The following CLEC4A variants were observed in gnomAD, a reference collection of about 807,000 sequenced individuals.
CLEC4A encodes C-type (calcium dependent, carbohydrate-recognition domain) lectin, superfamily member 6.
Under a neutral mutation model 32.7 loss-of-function variants are expected in CLEC4A, and 27 were observed. The observed-to-expected ratio is 0.83, with a 90% CI of 0.61 to 1.14. CLEC4A has a LOEUF of 1.14. CLEC4A is among the 50% of genes most tolerant of loss of function. The pLI is 0.00. For missense variants in CLEC4A, 253 were observed against 274.6 expected (o/e 0.92, Z 0.55); for synonymous variants, 89 against 93.7 (o/e 0.95, Z 0.29).
At position 8,138,494 on chromosome 12, in the gene CLEC4A, A is replaced by C. The variant is rs1591614530; in HGVS notation, c.*207A>C. 1.8e-6 allele frequency: 1 copy of C among 550,360 alleles called. No homozygotes were observed. The highest frequency in any genetic ancestry group is 3.3e-5 in the East Asian group (1 of 30,100). The allele number at this position is 550,360 out of a possible 1,614,324, so 34.1% of individuals were successfully genotyped here. A position where few individuals can be genotyped will look rare whatever the true frequency, so the allele number is the denominator to read the frequency against. Reference sequence around the variant, plus strand: ...TATTGAGCATTTTTTCATGTGCCAGAGCCTGTACTGGAGGCCCCCATTGTG... The same window carrying C: ...TATTGAGCATTTTTTCATGTGCCAGCGCCTGTACTGGAGGCCCCCATTGTG... On this transcript the variant is annotated 3_prime_UTR_variant, in exon 6 of 6. Coordinates refer to ENST00000229332, the MANE Select transcript of CLEC4A (RefSeq NM_016184.4).
chr12:8,103,265 TG>T, the CLEC4A span, among the ~76,000 whole-genome samples: 1 of 152,040 alleles, frequency 6.6e-6, no homozygotes, highest in African/African-American at 2.4e-5. Context: ...AATTCTTCTT[TG>T]CTTATAAAGT....
the CLEC4A span, among the ~76,000 whole-genome samples, chr12:8,112,187 C>T: frequency 6.6e-6 from 1 of 152,034 alleles, no homozygotes; most frequent in Non-Finnish European, 1.5e-5. Context: ...AGGCTGGTCT[C>T]AAACTCTTGA....
At chr12:8,134,642 G>T (rs1215181958) in intron 3 of CLEC4A, 3 of 1,606,070 alleles carry the variant, frequency 1.9e-6, no homozygotes, top group East Asian at 2.3e-5. Context: ...CCATCCCCCC[G>T]CAGAACTCAT....
chr12:8,103,815 A>G, the CLEC4A span, among the ~76,000 whole-genome samples: 2 of 152,066 alleles, frequency 1.3e-5, no homozygotes, highest in South Asian at 2.1e-4. Flanking sequence ...CCCAAATACT[A>G]CTTCATGAAA....
chr12:8,134,298 G>A (rs767525712), intron 3 of CLEC4A: 9 of 1,612,104 alleles, frequency 5.6e-6, no homozygotes, highest in Admixed American at 1.7e-5. Context: ...GCCTCAAAGC[G>A]GCAGATGGTC....
the CLEC4A span, among the ~76,000 whole-genome samples, chr12:8,113,844 G>A: frequency 6.6e-6 from 1 of 152,176 alleles, no homozygotes; most frequent in African/African-American, 2.4e-5. Context: ...GGAGCTCTGA[G>A]GAGCTGTGTA....
At chr12:8,135,107 A>AACT (rs1304428949) in intron 3 of CLEC4A, among the ~76,000 whole-genome samples, 1 of 104,166 alleles carries the variant, frequency 9.6e-6, no homozygotes, top group African/African-American at 3.8e-5. Flanking sequence ...GCTGGTCTTG[A>AACT]ACTTCTGGGA....
At chr12:8,133,430 C>T (rs1948035680) in intron 3 of CLEC4A, among the ~76,000 whole-genome samples, 1 of 151,872 alleles carries the variant, frequency 6.6e-6, no homozygotes, top group Non-Finnish European at 1.5e-5. Flanking sequence ...TCTCTATCCC[C>T]TTCATTCTGC....
rs371181779 is a variant in CLEC4A at position 8,134,973 on chromosome 12, G to GTTTTTTTTTTTTTTTTTTTTTTTTTTTTT, written c.299-607_299-606insTTTTTTTTTTTTTTTTTTTTTTTTTTTTT. On this transcript the variant is annotated intron_variant, in intron 3 of 5. Coordinates refer to ENST00000229332, the MANE Select transcript of CLEC4A (RefSeq NM_016184.4). Reference sequence around the variant, plus strand: ...CATGTCTGTATCTTCTTGTTGAAGCGTTTTTGTTTTTTGTTTTTTTTTAAT... The same window carrying GTTTTTTTTTTTTTTTTTTTTTTTTTTTTT: ...CATGTCTGTATCTTCTTGTTGAAGCGTTTTTTTTTTTTTTTTTTTTTTTTTTTTTTTTTTGTTTTTTGTTTTTTTTTAAT... 1.4e-5 allele frequency: 4 copies of GTTTTTTTTTTTTTTTTTTTTTTTTTTTTT among 290,634 alleles called. No homozygotes were observed. The African/African-American group carries it at 1.5e-4, about 11-fold the overall frequency. 18.0% of individuals were successfully genotyped at this position (290,634 alleles called of 1,614,324 possible). A position where few individuals can be genotyped will look rare whatever the true frequency, so the allele number is the denominator to read the frequency against.
chr12:8,121,948 T>TG (rs1947834828), upstream of CLEC4A, among the ~76,000 whole-genome samples: 1 of 151,508 alleles, frequency 6.6e-6, no homozygotes, highest in Non-Finnish European at 1.5e-5. Context: ...TTGGCCCAGT[T>TG]GGGGTTGGGA....
intron 3 of CLEC4A, chr12:8,134,979 G>GTTTGTTTTTTTT (rs1948073595): frequency 1.1e-4 from 18 of 166,032 alleles, no homozygotes; most frequent in Middle Eastern, 1.9e-3. Context: ...AAGCGTTTTT[G>GTTTGTTTTTTTT]TTTTTTGTTT....
In CLEC4A at chr12:8,136,917, G is replaced by A; in HGVS notation, c.566+14G>A. The A allele has an allele frequency of 6.4e-7, 1 of 1,555,572 alleles. No homozygotes were observed. Among genetic ancestry groups the A allele is most frequent in the Non-Finnish European group, 8.9e-7 (1 of 1,127,708 alleles). On this transcript the variant is annotated intron_variant, in intron 5 of 5. Transcript: ENST00000229332. ...TGAAAGTTCCACGTGAGTATAGAAT[G>A]AGATAAAAGAATCTTGGGTCCTGGA...
At chr12:8,105,418 C>T in the CLEC4A span, among the ~76,000 whole-genome samples, 26 of 151,236 alleles carry the variant, frequency 1.7e-4, 1 homozygote, top group South Asian at 6.2e-4. Context: ...GGCACGATCT[C>T]GGCTCACTGC....
chr12:8,112,726 AG>A, the CLEC4A span, among the ~76,000 whole-genome samples: 1 of 152,086 alleles, frequency 6.6e-6, no homozygotes, highest in Non-Finnish European at 1.5e-5. Context: ...CTAAGTCCTC[AG>A]GGTTATTATC....
intron 3 of CLEC4A, among the ~76,000 whole-genome samples, chr12:8,132,876 T>C (rs748650355): frequency 6.6e-6 from 1 of 152,240 alleles, no homozygotes; most frequent in East Asian, 1.9e-4. Context: ...TGTCTAGTTT[T>C]TTTGTTTCTT....
At chr12:8,125,266 A>C (rs1947881028) in intron 1 of CLEC4A, among the ~76,000 whole-genome samples, 1 of 152,196 alleles carries the variant, frequency 6.6e-6, no homozygotes, top group South Asian at 2.1e-4. Flanking sequence ...GCATATGTGT[A>C]TATATACATT....
chr12:8,134,275 G>A lies in CLEC4A; in HGVS notation c.299-1310G>A, dbSNP rs140763884. On this transcript the variant is annotated intron_variant, in intron 3 of 5. Coordinates refer to ENST00000229332, the MANE Select transcript of CLEC4A (RefSeq NM_016184.4). ...GCCGCAGCTCACACATGTTCTTGAA[G>A]CTAAGCTGCAGAGCCTCAAAGCGGC... 7.3e-4 allele frequency: 1,175 copies of A among 1,612,406 alleles called. 12 individuals are homozygous for A. The African/African-American group carries it at 0.014, about 19-fold the overall frequency.
In CLEC4A at chr12:8,133,831, C is replaced by T. The variant is rs200565509; in HGVS notation, c.299-1754C>T. ...CGGAGACAGGGGGAAAGGCTTCCCCCTCAGGGAAAGGGACCGAGGAGTACA... is the reference window on the plus strand; with the variant it reads ...CGGAGACAGGGGGAAAGGCTTCCCCTTCAGGGAAAGGGACCGAGGAGTACA... On this transcript the variant is annotated intron_variant, in intron 3 of 5. Coordinates refer to ENST00000229332, the MANE Select transcript of CLEC4A (RefSeq NM_016184.4). The T allele has an allele frequency of 9.5e-4, 1,506 of 1,586,088 alleles. 6 individuals are homozygous for T. The African/African-American group carries it at 0.014, about 15-fold the overall frequency.
the CLEC4A span, among the ~76,000 whole-genome samples, chr12:8,114,286 C>T: frequency 6.6e-6 from 1 of 152,052 alleles, no homozygotes; most frequent in Non-Finnish European, 1.5e-5. Flanking sequence ...GCTCTGTCGC[C>T]CAGGCTGGAG....
Sources: allele counts gnomAD v4.1 joint callset (sites outside exome capture counted in the v4.1 genomes callset), GRCh38; gene constraint gnomAD v4.1.1; transcripts MANE v1.5; gene names NCBI Gene and HGNC (gene_info 2026-07-23, HGNC 2026-07-21).